The following PPFIA2 variants were observed in gnomAD, a reference collection of about 807,000 sequenced individuals.
PPFIA2 encodes the protein PPFI scaffold protein A2.
In PPFIA2, 46 loss-of-function variants were observed where a neutral mutation model predicts 175.5. The ratio of observed to expected loss-of-function variants is 0.26; its 90% CI spans 0.21 to 0.34. PPFIA2 has a LOEUF of 0.34. Among genes scored for constraint, PPFIA2 ranks in the 10% least tolerant of loss-of-function variants. PPFIA2 has a pLI of 1.00. For synonymous variants in PPFIA2, 568 were observed against 511.4 expected (o/e 1.11, Z -1.49); for missense variants, 1,179 against 1,506.1 (o/e 0.78, Z 3.60).
intron 6 of PPFIA2, among the ~76,000 whole-genome samples, chr12:81,445,192 A>T (rs1037183496): frequency 2.5e-5 from 3 of 121,724 alleles, no homozygotes; most frequent in Non-Finnish European, 5.1e-5. Context: ...GGAATCTATA[A>T]AGAAAGACCA....
At chr12:81,435,086 T>C (rs947833599) in intron 7 of PPFIA2, among the ~76,000 whole-genome samples, 3 of 152,250 alleles carry the variant, frequency 2.0e-5, no homozygotes, top group African/African-American at 7.2e-5. Context: ...GTATTCTTTT[T>C]AATGAGGCAA....
chr12:81,457,766 C>T lies in PPFIA2; in HGVS notation c.404G>A (p.Arg135Lys), dbSNP rs375787614. 23 of 1,594,830 alleles carry T rather than the reference C, an allele frequency of 1.4e-5. No individual in the cohort carries two copies. Among genetic ancestry groups the T allele is most frequent in the Non-Finnish European group, 2.0e-5 (23 of 1,167,524 alleles). The change falls in exon 5 of 33, where the codon AGA (arginine) becomes AAA (lysine). Residue 135 changes from arginine to lysine, a missense_variant and splice_region_variant. Arg to Lys is a conservative substitution (Grantham distance 26). Transcript: ENST00000549396. ...CCAAAAAGGCTGCTTTACACTTACT[C>T]TTGTGTTGTTTCTTTCAGCTTTAAG... ...SELKAERNNT[R>K]LLLEHLECLV...
chr12:81,421,124 AAGG>A (rs1384630307), intron 7 of PPFIA2, among the ~76,000 whole-genome samples: 1 of 152,084 alleles, frequency 6.6e-6, no homozygotes, highest in East Asian at 1.9e-4. Context: ...ATGAAAATTG[AAGG>A]AGTTTTTCAA....
intron 4 of PPFIA2, among the ~76,000 whole-genome samples, chr12:81,562,467 T>C (rs537081371): frequency 1.1e-4 from 17 of 152,266 alleles, no homozygotes; most frequent in African/African-American, 2.9e-4. Flanking sequence ...GGGGAAAACA[T>C]TGAAAACTTA....
At chr12:81,361,687 C>T (rs2030435602) in intron 15 of PPFIA2, among the ~76,000 whole-genome samples, 1 of 151,438 alleles carries the variant, frequency 6.6e-6, no homozygotes, top group South Asian at 2.1e-4. Context: ...ATCTTGAGAG[C>T]ATACTATATG....
At chr12:81,287,268 T>A (rs2043686368) in intron 24 of PPFIA2, among the ~76,000 whole-genome samples, 1 of 151,940 alleles carries the variant, frequency 6.6e-6, no homozygotes, top group Non-Finnish European at 1.5e-5. Context: ...ATAATGAAGA[T>A]CTCATTACTT....
chr12:81,420,617 C>T (rs2046068400), intron 7 of PPFIA2, among the ~76,000 whole-genome samples: 1 of 151,352 alleles, frequency 6.6e-6, no homozygotes, highest in African/African-American at 2.4e-5. Context: ...TGATCTTAAC[C>T]AGTCATAGGA....
intron 4 of PPFIA2, among the ~76,000 whole-genome samples, chr12:81,529,331 ATATTT>A (rs1213026482): frequency 6.6e-6 from 1 of 151,986 alleles, no homozygotes; most frequent in Non-Finnish European, 1.5e-5. Context: ...CTATTTGCTA[ATATTT>A]TATTTACTTT....
At chr12:81,689,541 A>G (rs2074963636) in intron 3 of PPFIA2, among the ~76,000 whole-genome samples, 1 of 152,042 alleles carries the variant, frequency 6.6e-6, no homozygotes, top group African/African-American at 2.4e-5. Context: ...AGACTATAGC[A>G]TAATGTAGGA....
At chr12:81,394,962 G>C (rs1416990872) in intron 8 of PPFIA2, among the ~76,000 whole-genome samples, 1 of 151,914 alleles carries the variant, frequency 6.6e-6, no homozygotes, top group Non-Finnish European at 1.5e-5. Flanking sequence ...TTAATGAATA[G>C]CATTATTATT....
chr12:81,375,942 C>G lies in PPFIA2; in HGVS notation c.985G>C (p.Ala329Pro). ...NTKYQRDIREAMAQKEDMEER... is the reference protein window; with the variant it reads ...NTKYQRDIREPMAQKEDMEER... ...TCCATATCTTCCTTTTGTGCCATGG[C>G]CTACAATTAAAATAATTTAGAAAAA... Residue 329 changes from alanine to proline, a missense_variant and splice_region_variant, in exon 10 of 33, where the codon GCC becomes CCC. Transcript: ENST00000549396. 1 of 1,609,188 alleles carries G rather than the reference C, an allele frequency of 6.2e-7. No individual in the cohort carries two copies. The highest frequency in any genetic ancestry group is 8.5e-7 in the Non-Finnish European group (1 of 1,177,940).
chr12:81,552,386 C>T (rs1347068604), intron 4 of PPFIA2, among the ~76,000 whole-genome samples: 3 of 151,464 alleles, frequency 2.0e-5, no homozygotes, highest in Non-Finnish European at 4.4e-5. Context: ...CTTGAACAGA[C>T]TTAGTCATAA....
At chr12:81,662,622 A>T (rs1488707238) in intron 4 of PPFIA2, among the ~76,000 whole-genome samples, 1 of 152,214 alleles carries the variant, frequency 6.6e-6, no homozygotes, top group Non-Finnish European at 1.5e-5. Context: ...TACCAGAGGT[A>T]CAAGGAGGAG....
chr12:81,284,667 T>C (rs2042864629), intron 24 of PPFIA2, among the ~76,000 whole-genome samples: 1 of 152,184 alleles, frequency 6.6e-6, no homozygotes, highest in South Asian at 2.1e-4. Context: ...TAGAATAATG[T>C]AATTTTAATT....
At chr12:81,637,316 C>G (rs1373684650) in intron 4 of PPFIA2, among the ~76,000 whole-genome samples, 1 of 129,500 alleles carries the variant, frequency 7.7e-6, no homozygotes, top group Non-Finnish European at 1.6e-5. Context: ...GTTGGTCAGG[C>G]TGGTCCCGAA....
At chr12:81,288,208 A>G (rs2043977822) in intron 24 of PPFIA2, among the ~76,000 whole-genome samples, 1 of 151,878 alleles carries the variant, frequency 6.6e-6, no homozygotes, top group South Asian at 2.1e-4. Flanking sequence ...CAGAATAGAA[A>G]GAAACACTAA....
chr12:81,533,692 A>AATCTATCT (rs5799538), intron 4 of PPFIA2, among the ~76,000 whole-genome samples: 3,802 of 144,380 alleles, frequency 0.026, 65 homozygotes, highest in East Asian at 0.034. Flanking sequence ...TAAATTCACA[A>AATCTATCT]ATCTATCTAT....
At chr12:81,702,511 T>G (rs993716555) in intron 3 of PPFIA2, among the ~76,000 whole-genome samples, 4 of 152,112 alleles carry the variant, frequency 2.6e-5, no homozygotes, top group African/African-American at 9.7e-5. Flanking sequence ...TTGTCTACAC[T>G]CTATTTGTCA....
chr12:81,536,700 ATATAG>A (rs1254988694), intron 4 of PPFIA2, among the ~76,000 whole-genome samples: 5 of 145,104 alleles, frequency 3.4e-5, no homozygotes, highest in African/African-American at 1.3e-4. Context: ...TGCTATATAT[ATATAG>A]CATGTAATAT....
Sources: allele counts gnomAD v4.1 joint callset (sites outside exome capture counted in the v4.1 genomes callset), GRCh38; gene constraint gnomAD v4.1.1; transcripts MANE v1.5; gene names NCBI Gene and HGNC (gene_info 2026-07-23, HGNC 2026-07-21).